The following MYLK variants were observed in gnomAD, a reference collection of about 807,000 sequenced individuals.
MYLK encodes the protein myosin light chain kinase, smooth muscle.
A neutral mutation model predicts 203.4 loss-of-function variants in MYLK; 106 were observed. The observed-to-expected ratio is 0.52, with a 90% confidence interval of 0.45 to 0.61. The LOEUF (loss-of-function observed/expected upper bound fraction) is 0.61, where lower values mean the gene tolerates loss of function less well. Ranked by LOEUF, MYLK falls within the 20% of genes least tolerant of loss-of-function variation. The pLI is 0.00. For synonymous variants in MYLK, 867 were observed against 959.5 expected (o/e 0.90, Z 1.78); for missense variants, 2,072 against 2,442.3 (o/e 0.85, Z 3.20).
chr3:123,797,154 G>T (rs1326176943), intron 3 of MYLK, among the ~76,000 whole-genome samples: 1 of 151,982 alleles, frequency 6.6e-6, no homozygotes, highest in Non-Finnish European at 1.5e-5. Flanking sequence ...CAAACATACA[G>T]AACAGTAGAA....
intron 5 of MYLK, among the ~76,000 whole-genome samples, chr3:123,744,062 T>G (rs1037741255): frequency 1.9e-5 from 2 of 107,146 alleles, no homozygotes; most frequent in Non-Finnish European, 3.8e-5. Context: ...AGAACAAATA[T>G]CCGCTTTTTA....
rs542830830 is a variant in MYLK, at chr3:123,757,307, G to A, written c.166-4769C>T. Reference sequence around the variant, plus strand: ...CCCTATAGGTCCTCCAAGACTCAAAGCAACATATCCATCTTCTCCAAGCTT... The same window carrying A: ...CCCTATAGGTCCTCCAAGACTCAAAACAACATATCCATCTTCTCCAAGCTT... On this transcript the variant is annotated intron_variant, in intron 4 of 33. Coordinates refer to ENST00000360304, the MANE Select transcript of MYLK (RefSeq NM_053025.4). 3.8e-4 allele frequency among the ~76,000 whole-genome samples: 58 copies of A among 152,314 alleles called. 2 individuals carry two copies. Among genetic ancestry groups the A allele is most frequent in the Admixed American group, 3.5e-3 (53 of 15,294 alleles).
At chr3:123,667,094 G>C in intron 21 of MYLK, 43 bp downstream of exon 21, 1 of 1,591,754 alleles carries the variant, frequency 6.3e-7, no homozygotes, top group Non-Finnish European at 8.6e-7. Context: ...AACCCCCATG[G>C]TAGATGACTT....
chr3:123,809,843 C>G (rs1356697967), intron 3 of MYLK, among the ~76,000 whole-genome samples: 1 of 152,176 alleles, frequency 6.6e-6, no homozygotes, highest in Non-Finnish European at 1.5e-5. Context: ...ACACACAGCC[C>G]TCTCAGCAAG....
intron 1 of MYLK, among the ~76,000 whole-genome samples, chr3:123,877,443 G>GA (rs2033227743): frequency 6.6e-6 from 1 of 152,148 alleles, no homozygotes; most frequent in South Asian, 2.1e-4. Context: ...GTCTGGTCAG[G>GA]AAAAAATAGT....
chr3:123,732,890 A>T lies in MYLK; in HGVS notation c.1516+6T>A. The T allele has an allele frequency of 2.5e-6, 4 of 1,613,304 alleles. No homozygotes were observed. The highest frequency in any genetic ancestry group is 3.4e-6 in the Non-Finnish European group (4 of 1,179,556). ...AATGCGGGGTGACCTGGAGAAGTGT[A>T]CTCACTTTCCACTTGGAGGGTCCAG... On this transcript the variant is annotated splice_donor_region_variant and intron_variant, in intron 11 of 33. Transcript: ENST00000360304.
chr3:123,829,296 C>A (rs993224375), intron 3 of MYLK, among the ~76,000 whole-genome samples: 1 of 152,010 alleles, frequency 6.6e-6, no homozygotes, highest in African/African-American at 2.4e-5. Flanking sequence ...TGCGGCAACA[C>A]GGATAGAACT....
chr3:123,748,077 A>C (rs374302457), intron 5 of MYLK, among the ~76,000 whole-genome samples: 3 of 152,198 alleles, frequency 2.0e-5, no homozygotes, highest in African/African-American at 7.2e-5. Flanking sequence ...CAGGCTGTAC[A>C]AGAAGCATGG....
chr3:123,671,864 A>G (rs541380615), intron 20 of MYLK, among the ~76,000 whole-genome samples: 3 of 152,258 alleles, frequency 2.0e-5, no homozygotes, highest in African/African-American at 7.2e-5. Context: ...TGACTGGCTG[A>G]GCCACAAAGG....
intron 33 of MYLK, chr3:123,616,530 TG>T (rs1273983972): frequency 1.3e-5 from 2 of 152,270 alleles, no homozygotes; most frequent in East Asian, 3.9e-4. Context: ...TAAATGTTGG[TG>T]AAGTATTTTT....
chr3:123,668,769 C>T (rs1339887823), intron 20 of MYLK, among the ~76,000 whole-genome samples: 2 of 152,156 alleles, frequency 1.3e-5, no homozygotes, highest in Admixed American at 1.3e-4. Context: ...CTTCTCATCT[C>T]GCTTTATGGT....
intron 11 of MYLK, among the ~76,000 whole-genome samples, chr3:123,730,136 G>A (rs2062426143): frequency 6.6e-6 from 1 of 151,964 alleles, no homozygotes; most frequent in African/African-American, 2.4e-5. Flanking sequence ...GGCGAGGCAG[G>A]AGGATTGCTT....
intron 29 of MYLK, among the ~76,000 whole-genome samples, chr3:123,635,258 C>A (rs936997070): frequency 6.6e-6 from 1 of 152,226 alleles, no homozygotes; most frequent in Non-Finnish European, 1.5e-5. Flanking sequence ...CACCAGAGAG[C>A]CTCTTTTGGG....
At chr3:123,861,750 T>C (rs901854374) in intron 2 of MYLK, among the ~76,000 whole-genome samples, 10 of 152,160 alleles carry the variant, frequency 6.6e-5, no homozygotes, top group African/African-American at 2.4e-4. Context: ...ACTTGACAAG[T>C]ACTTAATTGA....
At chr3:123,777,218 G>A (rs1444775841) in intron 4 of MYLK, among the ~76,000 whole-genome samples, 1 of 152,248 alleles carries the variant, frequency 6.6e-6, no homozygotes, top group Non-Finnish European at 1.5e-5. Flanking sequence ...ATCTGCCATT[G>A]CATCAACCCT....
At chr3:123,716,904 G>C (rs1411137521) in intron 13 of MYLK, among the ~76,000 whole-genome samples, 1 of 152,144 alleles carries the variant, frequency 6.6e-6, no homozygotes, top group African/African-American at 2.4e-5. Flanking sequence ...GTAACACAAA[G>C]AACCCATGTG....
chr3:123,647,721 A>C (rs1378946597), intron 26 of MYLK, among the ~76,000 whole-genome samples: 1 of 145,890 alleles, frequency 6.9e-6, no homozygotes, highest in Non-Finnish European at 1.5e-5. Flanking sequence ...ATCTTTAAAC[A>C]TTTTTTTTTT....
chr3:123,656,168 G>A (rs1235418847), intron 24 of MYLK, among the ~76,000 whole-genome samples: 2 of 152,216 alleles, frequency 1.3e-5, no homozygotes, highest in East Asian at 1.9e-4. Context: ...TCAAATGTTC[G>A]TGTGCATCTG....
chr3:123,758,691 A>T (rs1487018918), intron 4 of MYLK, among the ~76,000 whole-genome samples: 1 of 152,198 alleles, frequency 6.6e-6, no homozygotes, highest in African/African-American at 2.4e-5. Context: ...TGGACCGCTT[A>T]ATCAAAAAGA....
Sources: gnomAD v4.1 joint callset for allele counts (sites outside exome capture counted in the v4.1 genomes callset) on GRCh38, gnomAD v4.1.1 for gene constraint, MANE v1.5 for transcripts, NCBI Gene and HGNC (gene_info 2026-07-23, HGNC 2026-07-21) for gene names.